Variants in DNAH2 observed in about 807,000 individuals in gnomAD.
DNAH2 encodes dynein axonemal heavy chain 2, also known as axonemal beta dynein heavy chain 2.
Under a neutral mutation model 523.5 loss-of-function variants are expected in DNAH2, and 323 were observed. That is an observed-to-expected ratio of 0.62 (90% confidence interval 0.56 to 0.68). The LOEUF (loss-of-function observed/expected upper bound fraction) is 0.68, where lower values mean the gene tolerates loss of function less well. DNAH2 is among the 30% of genes least tolerant of loss of function. DNAH2 has a pLI of 0.00. For missense variants in DNAH2, 4,907 were observed against 5,701.5 expected, an observed-to-expected ratio of 0.86 and a Z score of 4.49; for synonymous variants, 2,093 against 2,177.4, an observed-to-expected ratio of 0.96 and a Z score of 1.08.
At chr17:7,792,604 T>C in intron 46 of DNAH2, 53 bp from the exon 47 acceptor site, 1 of 1,462,428 alleles carries the variant, frequency 6.8e-7, no homozygotes, top group Middle Eastern at 2.2e-4. Flanking sequence ...GAAGTGGGAG[T>C]TGGAAAGGAG....
rs775879157 is a variant in DNAH2 at position 7,786,901 on chromosome 17, G to A, written c.6471G>A (p.Glu2157=). 2.5e-6 allele frequency: 4 copies of A among 1,614,258 alleles called. No homozygotes were observed. Among genetic ancestry groups the A allele is most frequent in the Non-Finnish European group, 3.4e-6 (4 of 1,180,054 alleles). Residue 2157 remains glutamate (E), a synonymous_variant, in exon 42 of 86, where the codon GAG becomes GAA. Transcript: ENST00000572933. The surrounding 1 kb of genome is among the most constrained non-coding windows in gnomAD (Gnocchi z 7.5). ...SSVMRTACAD[E]KPDEKWILFD... ...CATCACCCACCATCTACTCAGATGA[G>A]AAACCCGACGAGAAGTGGATCCTGT...
intron 1 of DNAH2, among the ~76,000 whole-genome samples, chr17:7,719,335 G>A (rs1597439802): frequency 6.6e-6 from 1 of 152,026 alleles, no homozygotes; most frequent in African/African-American, 2.4e-5. Context: ...TGCCATGTTG[G>A]CCAGGCTGGT....
chr17:7,809,519 T>C (rs1310913662), intron 63 of DNAH2, among the ~76,000 whole-genome samples: 2 of 152,306 alleles, frequency 1.3e-5, no homozygotes, highest in South Asian at 2.1e-4. Flanking sequence ...AACTTTGCTC[T>C]TTTACTCTGT....
chr17:7,794,321 G>GGAGTC lies in DNAH2; in HGVS notation c.7639_7643dup (p.Phe2549ValfsTer8). The stretch of plus-strand genomic sequence containing the variant: ...CGGACTGTCATCTCCCCAAGGCTAC[G>GGAGTC]GAGTCGCTTCAACATTATCAACATG... On this transcript the variant is annotated frameshift_variant, in exon 49 of 86. Coordinates refer to ENST00000572933, the MANE Select transcript of DNAH2 (RefSeq NM_020877.5). LOFTEE classifies it high-confidence loss of function. 1 of 1,610,102 alleles carries GGAGTC rather than the reference G, an allele frequency of 6.2e-7. No homozygotes were observed. Among genetic ancestry groups the GGAGTC allele is most frequent in the Non-Finnish European group, 8.5e-7 (1 of 1,178,352 alleles).
At chr17:7,738,307 T>C (rs1256963979) in intron 8 of DNAH2, among the ~76,000 whole-genome samples, 1 of 152,020 alleles carries the variant, frequency 6.6e-6, no homozygotes, top group Non-Finnish European at 1.5e-5. Context: ...TGCCCTGGCT[T>C]CTCCTTTTTT....
chr17:7,787,141 G>A, intron 42 of DNAH2, 108 bp downstream of exon 42: 1 of 1,399,496 alleles, frequency 7.1e-7, no homozygotes, highest in Non-Finnish European at 9.6e-7. Flanking sequence ...AGGTTCTGTG[G>A]GAGAGAGCTG....
Position 7,832,682 on chromosome 17 carries a change from T to A in DNAH2, c.12830T>A (p.Phe4277Tyr). 1 of 1,614,088 alleles carries A rather than the reference T, an allele frequency of 6.2e-7. No individual in the cohort carries two copies. Among genetic ancestry groups the A allele is most frequent in the Non-Finnish European group, 8.5e-7 (1 of 1,180,026 alleles). The change falls in exon 83 of 86, where the codon TTC becomes TAC. Residue 4277 changes from phenylalanine (F) to tyrosine (Y), a missense_variant. Physicochemically the swap from Phe to Tyr is conservative, Grantham distance 22. This residue lies in a region of DNAH2 where 1,851 missense variants were observed against 2,139.4 expected (regional missense o/e 0.87). Transcript: ENST00000572933. The surrounding 1 kb of genome is among the most constrained non-coding windows in gnomAD (Gnocchi z 4.3). Reference sequence around the variant, plus strand: ...AGCCGGGCCCGGCCTCCTGTGATCTTCTGGTTGTCTGGTTTCACCTTTCCC... The same window carrying A: ...AGCCGGGCCCGGCCTCCTGTGATCTACTGGTTGTCTGGTTTCACCTTTCCC... ...WASRARPPVI[F>Y]WLSGFTFPTG...
chr17:7,779,131 G>C, intron 35 of DNAH2, 112 bp from the exon 36 acceptor site: 1 of 1,299,036 alleles, frequency 7.7e-7, no homozygotes, highest in South Asian at 1.4e-5. Flanking sequence ...CTGCCCCCTA[G>C]TCTGGAGGCC....
rs765769997 is a variant in DNAH2, at chr17:7,737,247, C to T, written c.1159C>T (p.Leu387Phe). Residue 387 changes from leucine to phenylalanine, a missense_variant, in exon 8 of 86, where the codon CTC becomes TTC. By Grantham distance (22) the Leu-to-Phe change is conservative. Around this residue, in one of 3 missense-constraint regions of DNAH2, gnomAD observed 2,806 missense variants for 3,190.8 expected, o/e 0.88. Transcript: ENST00000572933. ...CAACACTCGGGAGAGACTGACCTCGCTCTTCCGAAAGGTGTGCATATGCTG... is the reference window on the plus strand; with the variant it reads ...CAACACTCGGGAGAGACTGACCTCGTTCTTCCGAAAGGTGTGCATATGCTG... ...HYNTRERLTS[L>F]FRKVCDCQYH... 3.2e-5 allele frequency: 52 copies of T among 1,613,844 alleles called. No homozygotes were observed. Among genetic ancestry groups the T allele is most frequent in the Non-Finnish European group, 4.3e-5 (51 of 1,179,888 alleles).
intron 12 of DNAH2, chr17:7,743,508 A>G (rs1282949256): frequency 1.1e-5 from 7 of 627,650 alleles, no homozygotes; most frequent in Non-Finnish European, 1.7e-5. Flanking sequence ...TCTGCAAAAA[A>G]TACAAAGATT....
Position 7,829,559 on chromosome 17 carries a change from T to C in DNAH2, c.11854-741T>C, listed in dbSNP as rs114972112. 2.9e-3 allele frequency among the ~76,000 whole-genome samples: 444 copies of C among 152,332 alleles called. 3 individuals are homozygous for C. The highest frequency in any genetic ancestry group is 9.8e-3 in the African/African-American group (407 of 41,574). ...GACTAATAATGCCAATCACATAGACTGTTCTTCCTTGATGATATATTATGG... is the reference window on the plus strand; with the variant it reads ...GACTAATAATGCCAATCACATAGACCGTTCTTCCTTGATGATATATTATGG... On this transcript the variant is annotated intron_variant, in intron 77 of 85. Transcript: ENST00000572933.
chr17:7,817,898 G>T, intron 67 of DNAH2, 42 bp downstream of exon 67: 1 of 1,613,910 alleles, frequency 6.2e-7, no homozygotes, highest in South Asian at 1.1e-5. Flanking sequence ...CCTTCCTGAG[G>T]CCCCACCTCT....
Position 7,793,447 on chromosome 17 carries a change from T to TTTTCTTTCTTTC in DNAH2, c.7569+301_7569+312dup, listed in dbSNP as rs557051250. 2.2e-3 allele frequency among the ~76,000 whole-genome samples: 215 copies of TTTTCTTTCTTTC among 96,472 alleles called. 2 individuals are homozygous for TTTTCTTTCTTTC. Among genetic ancestry groups the TTTTCTTTCTTTC allele is most frequent in the East Asian group, 7.6e-3 (28 of 3,686 alleles). The allele number at this position is 96,472 out of a possible 152,430, so 63.3% of individuals were successfully genotyped here. Reference sequence around the variant, plus strand: ...GCCTGCTTGCTTTTTCTTTCTTTCTTTTTCTTTCTTTCTTTCTTTCTTTCT... The same window carrying TTTTCTTTCTTTC: ...GCCTGCTTGCTTTTTCTTTCTTTCTTTTTCTTTCTTTCTTTCTTTCTTTCTTTCTTTCTTTCT... On this transcript the variant is annotated intron_variant, in intron 48 of 85. Coordinates refer to ENST00000572933, the MANE Select transcript of DNAH2 (RefSeq NM_020877.5).
intron 11 of DNAH2, among the ~76,000 whole-genome samples, chr17:7,742,015 G>T (rs2075369069): frequency 1.3e-5 from 2 of 152,252 alleles, no homozygotes; most frequent in South Asian, 4.2e-4. Context: ...GCCGGTATCT[G>T]GGGTGTTGGG....
chr17:7,719,675 A>G (rs940233503), intron 1 of DNAH2, 46 bp from the exon 2 acceptor site: 26 of 1,610,366 alleles, frequency 1.6e-5, no homozygotes, highest in Non-Finnish European at 1.9e-5. Context: ...GGGCTGGTTC[A>G]GGGGTGGTAT....
chr17:7,719,784 C>G lies in DNAH2; in HGVS notation c.50C>G (p.Ser17Cys), dbSNP rs1215335399. ...CAGCGATTGAGTGGCCGAGGAAGCT[C>G]CCAGGCAAGCTGGTCAGGGCGGGCC... ...KKQRLSGRGS[S>C]QASWSGRATR... The change falls in exon 2 of 86, where the codon TCC becomes TGC. Residue 17 changes from serine (S) to cysteine (C), a missense_variant. This residue lies in a region of DNAH2 where 2,806 missense variants were observed against 3,190.8 expected (regional missense o/e 0.88). Transcript: ENST00000572933. 6.2e-7 allele frequency: 1 copy of G among 1,614,052 alleles called. No homozygotes were observed. The highest frequency in any genetic ancestry group is 8.5e-7 in the Non-Finnish European group (1 of 1,180,042).
chr17:7,756,669 TTCTA>T (rs1477778811), intron 12 of DNAH2, among the ~76,000 whole-genome samples: 3 of 151,826 alleles, frequency 2.0e-5, no homozygotes, highest in Non-Finnish European at 2.9e-5. Flanking sequence ...TTTCTATTAT[TTCTA>T]TCTATTTATA....
At chr17:7,813,907 CA>C (rs371725781) in intron 63 of DNAH2, among the ~76,000 whole-genome samples, 34,601 of 105,628 alleles carry the variant, frequency 0.33, 4,556 homozygotes, top group Middle Eastern at 0.48. Flanking sequence ...GACTCTGTCT[CA>C]AAAAAAAAAA....
intron 58 of DNAH2, among the ~76,000 whole-genome samples, 173 bp from the exon 59 acceptor site, chr17:7,804,083 T>C (rs949029651): frequency 2.0e-5 from 3 of 152,114 alleles, no homozygotes; most frequent in Non-Finnish European, 4.4e-5. Flanking sequence ...TGGGAAGCTG[T>C]TGGCAATGAC....
Sources: allele counts gnomAD v4.1 joint callset (sites outside exome capture counted in the v4.1 genomes callset), GRCh38; gene constraint gnomAD v4.1.1; regional missense constraint gnomAD v4.1.1; non-coding constraint Gnocchi (gnomAD v3.1); transcripts MANE v1.5; gene names NCBI Gene and HGNC (gene_info 2026-07-23, HGNC 2026-07-21).